The following TCF7L1 variants were observed in gnomAD, a reference collection of about 807,000 sequenced individuals.
The protein encoded by TCF7L1 is transcription factor 7 like 1, also known as transcription factor 7-like 1.
Under a neutral mutation model 63.7 loss-of-function variants are expected in TCF7L1, and 18 were observed. The observed-to-expected ratio is 0.28, with a 90% CI of 0.20 to 0.42. The LOEUF (loss-of-function observed/expected upper bound fraction) is 0.42. Among genes scored for constraint, TCF7L1 ranks in the 10% least tolerant of loss-of-function variants. The pLI, the probability that TCF7L1 is intolerant of heterozygous loss-of-function variation, is 1.00. For synonymous variants in TCF7L1, 355 were observed against 340.9 expected, an observed-to-expected ratio of 1.04 and a Z score of -0.46; for missense variants, 654 against 779.3, an observed-to-expected ratio of 0.84 and a Z score of 1.91.
intron 3 of TCF7L1, among the ~76,000 whole-genome samples, chr2:85,247,252 A>G (rs1680487791): frequency 6.6e-6 from 1 of 152,246 alleles, no homozygotes; most frequent in Non-Finnish European, 1.5e-5. Flanking sequence ...GACCGCTATT[A>G]TTAACCTCTC....
intron 3 of TCF7L1, among the ~76,000 whole-genome samples, chr2:85,177,673 C>G (rs1206998404): frequency 6.6e-6 from 1 of 151,886 alleles, no homozygotes. Context: ...CCACTGCACT[C>G]CAGCCTGGGC....
At chr2:85,275,382 T>C (rs1401128374) in intron 3 of TCF7L1, among the ~76,000 whole-genome samples, 4 of 152,116 alleles carry the variant, frequency 2.6e-5, no homozygotes, top group Non-Finnish European at 4.4e-5. Context: ...TTCTTTGGAA[T>C]GCGAGGGGAA....
chr2:85,197,603 G>A (rs974933182), intron 3 of TCF7L1, among the ~76,000 whole-genome samples: 2 of 151,820 alleles, frequency 1.3e-5, no homozygotes, highest in Non-Finnish European at 2.9e-5. Context: ...TTTTTTTTTG[G>A]TTCTCTGCAA....
intron 3 of TCF7L1, among the ~76,000 whole-genome samples, chr2:85,273,128 A>T (rs574433536): frequency 1.3e-3 from 199 of 152,286 alleles, no homozygotes; most frequent in African/African-American, 4.6e-3. Flanking sequence ...GCAGCTGCCC[A>T]CCAGCAGCTT....
At chr2:85,171,552 C>T (rs1026432131) in intron 3 of TCF7L1, among the ~76,000 whole-genome samples, 3 of 152,238 alleles carry the variant, frequency 2.0e-5, no homozygotes, top group Admixed American at 6.5e-5. Flanking sequence ...CAGAGTCCTT[C>T]AGAGCTTCTG....
In TCF7L1 at chr2:85,291,441, G is replaced by A. The variant is rs549804097; in HGVS notation, c.525+7863G>A. 5.8e-4 allele frequency among the ~76,000 whole-genome samples: 89 copies of A among 152,212 alleles called. 1 individual carries two copies. The highest frequency in any genetic ancestry group is 1.5e-3 in the South Asian group (7 of 4,820). ...TTCTTCCCACTTTGTAACAAGAATC[G>A]CCTTTCCACTAGTTCCAATAACATG... On this transcript the variant is annotated intron_variant, in intron 4 of 11. Coordinates refer to ENST00000282111, the MANE Select transcript of TCF7L1 (RefSeq NM_031283.3).
intron 3 of TCF7L1, among the ~76,000 whole-genome samples, chr2:85,220,631 T>C (rs1679820240): frequency 6.6e-6 from 1 of 152,206 alleles, no homozygotes; most frequent in Non-Finnish European, 1.5e-5. Flanking sequence ...CCCAAAGTGC[T>C]GGGATTACAG....
chr2:85,182,306 T>C (rs1678823787), intron 3 of TCF7L1, among the ~76,000 whole-genome samples: 1 of 152,092 alleles, frequency 6.6e-6, no homozygotes, highest in Non-Finnish European at 1.5e-5. Flanking sequence ...TCACTCTCTG[T>C]GAGTTAAGGC....
rs774616069 is a variant in TCF7L1, at chr2:85,302,466, CTTTT to C, written c.526-15_526-12del. 2 of 1,614,104 alleles carry C rather than the reference CTTTT, an allele frequency of 1.2e-6. No homozygotes were observed. The highest frequency in any genetic ancestry group is 1.1e-5 in the South Asian group (1 of 91,084). On this transcript the variant is annotated splice_polypyrimidine_tract_variant and intron_variant, in intron 4 of 11. Coordinates refer to ENST00000282111, the MANE Select transcript of TCF7L1 (RefSeq NM_031283.3). The stretch of plus-strand genomic sequence containing the variant: ...CATCTCCTTGGCAACCATTCCTGGT[CTTTT>C]TTGTCTCTTTCAGTCTAATAAAGTT...
At chr2:85,195,139 A>C (rs1264434835) in intron 3 of TCF7L1, among the ~76,000 whole-genome samples, 1 of 152,240 alleles carries the variant, frequency 6.6e-6, no homozygotes, top group Non-Finnish European at 1.5e-5. Flanking sequence ...AAACCTTGTA[A>C]CCTTGAGCAA....
chr2:85,252,135 A>G (rs1449831499), intron 3 of TCF7L1, among the ~76,000 whole-genome samples: 2 of 152,302 alleles, frequency 1.3e-5, no homozygotes, highest in South Asian at 2.1e-4. Context: ...TGGGTGGTAC[A>G]GTGACAAGAG....
intron 3 of TCF7L1, among the ~76,000 whole-genome samples, chr2:85,243,284 G>C (rs1482209360): frequency 6.6e-6 from 1 of 152,206 alleles, no homozygotes; most frequent in Non-Finnish European, 1.5e-5. Flanking sequence ...CCGTCACCCA[G>C]AGGTGGGAGC....
chr2:85,238,309 T>C (rs980854252), intron 3 of TCF7L1, among the ~76,000 whole-genome samples: 2 of 152,090 alleles, frequency 1.3e-5, no homozygotes, highest in Non-Finnish European at 2.9e-5. Context: ...GGAGGCGGGC[T>C]TAGGAGCTTC....
chr2:85,244,344 A>G (rs370827459), intron 3 of TCF7L1, among the ~76,000 whole-genome samples: 8 of 152,358 alleles, frequency 5.3e-5, no homozygotes, highest in African/African-American at 1.4e-4. Context: ...CATGGCTGCC[A>G]TGATATAATC....
chr2:85,201,937 TTTTATTTA>T (rs138595337), intron 3 of TCF7L1, among the ~76,000 whole-genome samples: 79,345 of 150,408 alleles, frequency 0.53, 21,541 homozygotes, highest in African/African-American at 0.64. Flanking sequence ...TCTTTTGACT[TTTTATTTA>T]TTTATTTATT....
intron 3 of TCF7L1, among the ~76,000 whole-genome samples, chr2:85,269,439 A>G (rs1681091964): frequency 6.6e-6 from 1 of 150,992 alleles, no homozygotes; most frequent in Non-Finnish European, 1.5e-5. Context: ...AAAAATACAC[A>G]TACATATGTA....
chr2:85,242,909 A>G (rs1680370202), intron 3 of TCF7L1, among the ~76,000 whole-genome samples: 1 of 152,248 alleles, frequency 6.6e-6, no homozygotes, highest in Non-Finnish European at 1.5e-5. Flanking sequence ...ATGAAAGGGC[A>G]TGTTTTCCTT....
At chr2:85,226,050 G>T (rs377468796) in intron 3 of TCF7L1, among the ~76,000 whole-genome samples, 1 of 152,100 alleles carries the variant, frequency 6.6e-6, no homozygotes, top group Non-Finnish European at 1.5e-5. Context: ...GGTTTTTGTC[G>T]TTGGTTCTGT....
chr2:85,140,676 T>C (rs1677707206), intron 3 of TCF7L1, among the ~76,000 whole-genome samples: 4 of 152,098 alleles, frequency 2.6e-5, no homozygotes, highest in South Asian at 4.1e-4. Context: ...GGCAGGTGCC[T>C]GTAATCCCGG....
Sources: allele counts gnomAD v4.1 joint callset (sites outside exome capture counted in the v4.1 genomes callset), GRCh38; gene constraint gnomAD v4.1.1; transcripts MANE v1.5; gene names NCBI Gene and HGNC (gene_info 2026-07-23, HGNC 2026-07-21).